Variants in CAPN11 observed in about 807,000 individuals in gnomAD.
CAPN11 encodes calpain 11, also known as calpain-11.
In CAPN11, 108 loss-of-function variants were observed where a neutral mutation model predicts 105.3. That is an observed-to-expected ratio of 1.03 (90% confidence interval 0.88 to 1.20). CAPN11 has a LOEUF of 1.20. CAPN11 is among the 50% of genes most tolerant of loss of function. CAPN11 has a pLI of 0.00. For missense variants in CAPN11, 883 were observed against 924.8 expected (o/e 0.95, Z 0.59); for synonymous variants, 329 against 344.5 (o/e 0.96, Z 0.50).
At chr6:44,173,431 T>G in intron 7 of CAPN11, 45 bp downstream of exon 7, 1 of 1,299,868 alleles carries the variant, frequency 7.7e-7, no homozygotes, top group Admixed American at 2.0e-5. Context: ...CACCTGCTGT[T>G]GCTGTCACCC....
Position 44,169,427 on chromosome 6 carries a change from C to A in CAPN11, c.235C>A (p.Leu79Ile). 1 of 1,613,530 alleles carries A rather than the reference C, an allele frequency of 6.2e-7. No homozygotes were observed. The highest frequency in any genetic ancestry group is 8.5e-7 in the Non-Finnish European group (1 of 1,179,706). Residue 79 changes from leucine to isoleucine, a missense_variant, in exon 3 of 23, where the codon CTC becomes ATC. By Grantham distance (5) the Leu-to-Ile change is conservative. Transcript: ENST00000398776. ...AGCAGCCTGTCTAAGAAAGGGGGAG[C>A]TCTTCGAGGACCCCTTATTCCCTGC... ...LRAACLRKGE[L>I]FEDPLFPAEP... is the part of the protein sequence containing the mutation.
At chr6:44,163,075 G>A (rs148853846) in intron 1 of CAPN11, among the ~76,000 whole-genome samples, 96 of 152,242 alleles carry the variant, frequency 6.3e-4, no homozygotes, top group African/African-American at 2.1e-3. Context: ...GGTGAGTAAC[G>A]TTTTCTGAGC....
chr6:44,176,677 C>A, intron 10 of CAPN11, 22 bp downstream of exon 10: 1 of 1,574,766 alleles, frequency 6.4e-7, no homozygotes, highest in Non-Finnish European at 8.6e-7. Flanking sequence ...TTGGGGTGGG[C>A]TTCTTACCAC....
chr6:44,180,496 A>G lies in CAPN11; in HGVS notation c.1677A>G (p.Gln559=), dbSNP rs966578670. ...AAGTCAACTATGCTGAGCAACTCCAAGAGGTGAGGGGAGACTGTAGGGCTG... is the reference window on the plus strand; with the variant it reads ...AAGTCAACTATGCTGAGCAACTCCAGGAGGTGAGGGGAGACTGTAGGGCTG... The part of the protein sequence containing the change: ...LDEVNYAEQL[Q]EEKVSEDDMD... Residue 559 remains glutamine, a synonymous_variant, in exon 15 of 23, where the codon CAA becomes CAG. Transcript: ENST00000398776. 6.2e-7 allele frequency: 1 copy of G among 1,613,722 alleles called. No individual in the cohort carries two copies. Among genetic ancestry groups the G allele is most frequent in the Non-Finnish European group, 8.5e-7 (1 of 1,179,852 alleles).
chr6:44,181,215 C>T (rs1236872516), intron 18 of CAPN11, 37 bp from the exon 19 acceptor site: 2 of 1,602,510 alleles, frequency 1.2e-6, no homozygotes, highest in Middle Eastern at 1.7e-4. Flanking sequence ...GGGATGCCTT[C>T]TTCACTCCTT....
rs761629077 is a variant in CAPN11, at chr6:44,180,946, G to A, written c.1818G>A (p.Lys606=). 6.2e-7 allele frequency: 1 copy of A among 1,613,440 alleles called. No homozygotes were observed. The highest frequency in any genetic ancestry group is 2.2e-5 in the East Asian group (1 of 44,862). The change falls in exon 18 of 23, where the codon AAG becomes AAA. Residue 606 remains lysine, a synonymous_variant. Transcript: ENST00000398776. ...CCTTCCTCACAGTCAAAAGCTTCAAGACCAAGGGCTTTGGCCTGGATGCTT... is the reference window on the plus strand; with the variant it reads ...CCTTCCTCACAGTCAAAAGCTTCAAAACCAAGGGCTTTGGCCTGGATGCTT... ...NRMAIKFKSF[K]TKGFGLDACR... is the part of the protein sequence containing the mutation.
At chr6:44,159,156 A>C (rs541002665) in intron 1 of CAPN11, among the ~76,000 whole-genome samples, 39 of 152,142 alleles carry the variant, frequency 2.6e-4, no homozygotes, top group African/African-American at 8.9e-4. Flanking sequence ...CTCTCCACTG[A>C]CAGTTGGAGT....
At chr6:44,175,233 A>C (rs1053014976) in intron 7 of CAPN11, among the ~76,000 whole-genome samples, 1 of 152,158 alleles carries the variant, frequency 6.6e-6, no homozygotes, top group African/African-American at 2.4e-5. Flanking sequence ...CAATCCCAGC[A>C]CTTTGGGAGG....
rs186846612 is a variant in CAPN11 at position 44,163,174 on chromosome 6, G to A, written c.17-3584G>A. ...AGAATGCAGCAGCCTCTATACACAG[G>A]TGAGGAAACCAAGGCTCAGGGAGGT... On this transcript the variant is annotated intron_variant, in intron 1 of 22. Coordinates refer to ENST00000398776, the MANE Select transcript of CAPN11 (RefSeq NM_007058.4). 2.3e-3 allele frequency among the ~76,000 whole-genome samples: 350 copies of A among 152,258 alleles called. 2 individuals are homozygous for A. The highest frequency in any genetic ancestry group is 7.2e-3 in the African/African-American group (297 of 41,528).
intron 8 of CAPN11, 50 bp from the exon 9 acceptor site, chr6:44,176,203 C>T (rs372823997): frequency 6.0e-5 from 97 of 1,604,910 alleles, no homozygotes; most frequent in Non-Finnish European, 7.7e-5. Flanking sequence ...AGGAGGAGAA[C>T]GTCTCCCTGA....
chr6:44,180,074 G>A lies in CAPN11; in HGVS notation c.1551G>A (p.Gly517=). 1 of 1,613,516 alleles carries A rather than the reference G, an allele frequency of 6.2e-7. No homozygotes were observed. Among genetic ancestry groups the A allele is most frequent in the Non-Finnish European group, 8.5e-7 (1 of 1,179,632 alleles). The change falls in exon 14 of 23, where the codon GGG becomes GGA. Residue 517 remains glycine (G), a synonymous_variant. Transcript: ENST00000398776. ...EVSSQLRLPP[G]EYIIIPSTFE... ...GCAGCCAACTCCGGCTGCCTCCGGG[G>A]GAATATATCATTATTCCCTCCACCT...
At chr6:44,182,616 G>A (rs757652187) in intron 19 of CAPN11, among the ~76,000 whole-genome samples, 3 of 151,974 alleles carry the variant, frequency 2.0e-5, no homozygotes, top group East Asian at 1.9e-4. Flanking sequence ...TTTTTGAGAC[G>A]GAATCTCACT....
Position 44,180,669 on chromosome 6 carries a change from A to C in CAPN11, c.1746+7A>C, listed in dbSNP as rs760850990. 1.2e-6 allele frequency: 2 copies of C among 1,613,746 alleles called. No homozygotes were observed. The highest frequency in any genetic ancestry group is 1.7e-6 in the Non-Finnish European group (2 of 1,179,802). On this transcript the variant is annotated splice_region_variant and intron_variant, in intron 16 of 22. Transcript: ENST00000398776. ...TAAGATAGTGGCAGGAGAGGTGAGC[A>C]GGCCACGAGCGGAGGGCTGACAGGA...
intron 2 of CAPN11, among the ~76,000 whole-genome samples, chr6:44,167,738 T>C (rs1770202213): frequency 6.6e-6 from 1 of 151,580 alleles, no homozygotes; most frequent in Non-Finnish European, 1.5e-5. Context: ...AGTGAGATCC[T>C]GTCTCTACAA....
intron 12 of CAPN11, among the ~76,000 whole-genome samples, 155 bp from the exon 13 acceptor site, chr6:44,179,464 G>A (rs1183095781): frequency 6.6e-6 from 1 of 151,768 alleles, no homozygotes; most frequent in Non-Finnish European, 1.5e-5. Context: ...GTCAGAGCCC[G>A]TGCCCCACTC....
intron 18 of CAPN11, 68 bp from the exon 19 acceptor site, chr6:44,181,184 C>A: frequency 6.9e-7 from 1 of 1,450,716 alleles, no homozygotes; most frequent in South Asian, 1.1e-5. Context: ...CTCAGGAACC[C>A]CCGCTGCTTC....
At chr6:44,169,858 G>T in intron 3 of CAPN11, 48 bp from the exon 4 acceptor site, 2 of 1,392,264 alleles carry the variant, frequency 1.4e-6, no homozygotes, top group East Asian at 4.7e-5. Context: ...GAGAAAGGTG[G>T]GGAGGGGGTG....
intron 7 of CAPN11, among the ~76,000 whole-genome samples, chr6:44,175,674 G>A (rs1277399849): frequency 6.6e-6 from 1 of 152,062 alleles, no homozygotes; most frequent in African/African-American, 2.4e-5. Flanking sequence ...CTACTTGGGA[G>A]TCTGAGGCAG....
intron 7 of CAPN11, among the ~76,000 whole-genome samples, chr6:44,175,027 AG>A (rs1365894064): frequency 1.3e-5 from 2 of 152,224 alleles, no homozygotes; most frequent in Non-Finnish European, 2.9e-5. Context: ...TGGTTATAAA[AG>A]GGCGACTCAA....
Sources: allele counts gnomAD v4.1 joint callset (sites outside exome capture counted in the v4.1 genomes callset), GRCh38; gene constraint gnomAD v4.1.1; transcripts MANE v1.5; gene names NCBI Gene and HGNC (gene_info 2026-07-23, HGNC 2026-07-21).